YY1: variants seen among roughly 807,000 people sequenced by gnomAD.
YY1 encodes YY1 transcription factor, also known as transcriptional repressor protein YY1.
YY1 carries 2 observed loss-of-function variants against 35.6 expected under a neutral mutation model. The ratio of observed to expected loss-of-function variants is 0.06; its 90% CI spans 0.02 to 0.18. The LOEUF (loss-of-function observed/expected upper bound fraction) is 0.18. Among genes scored for constraint, YY1 ranks in the 10% least tolerant of loss-of-function variants. The probability of loss-of-function intolerance (pLI) is 1.00; values close to 1 mark genes in which losing one functional copy is unlikely to be tolerated. For missense variants in YY1, 322 were observed against 573.4 expected (o/e 0.56, Z 4.48); for synonymous variants, 268 against 238.9 (o/e 1.12, Z -1.12).
intron 1 of YY1, among the ~76,000 whole-genome samples, chr14:100,250,247 G>A (rs529614221): frequency 1.3e-5 from 2 of 152,260 alleles, no homozygotes; most frequent in East Asian, 3.9e-4. Context: ...TTTATTAGTG[G>A]GAAAAACTGG....
chr14:100,264,519 G>A (rs76342152), intron 2 of YY1, among the ~76,000 whole-genome samples: 4 of 152,110 alleles, frequency 2.6e-5, no homozygotes, highest in Non-Finnish European at 5.9e-5. Flanking sequence ...GAATTAGGGC[G>A]CTTCCAGGGA....
chr14:100,265,082 AAAG>A (rs1438346627), intron 2 of YY1, among the ~76,000 whole-genome samples: 1 of 152,080 alleles, frequency 6.6e-6, no homozygotes, highest in Admixed American at 6.6e-5. Flanking sequence ...TGTCTCTAAA[AAAG>A]AAGGAAACTG....
intron 1 of YY1, among the ~76,000 whole-genome samples, chr14:100,260,481 T>C (rs867373486): frequency 7.0e-5 from 9 of 129,414 alleles, no homozygotes; most frequent in African/African-American, 2.4e-4. Context: ...TTTTTTTTTT[T>C]TTCTTTTTTG....
rs1275625825 is a variant in YY1, at chr14:100,281,247, T to C, written c.*3647T>C. 4 of 151,954 alleles carry C rather than the reference T, an allele frequency of 2.6e-5. No individual in the cohort carries two copies. Among genetic ancestry groups the C allele is most frequent in the African/African-American group, 9.7e-5 (4 of 41,332 alleles). 9.4% of individuals were successfully genotyped at this position (151,954 alleles called of 1,614,324 possible). On this transcript the variant is annotated 3_prime_UTR_variant, in exon 5 of 5. Transcript: ENST00000262238. ...TATTTAATTATTCTTTAATAATCCT[T>C]CTATTTTCTTGACATCTGACCCCCA...
chr14:100,251,274 TAGG>T (rs1209052692), intron 1 of YY1, among the ~76,000 whole-genome samples: 1 of 152,024 alleles, frequency 6.6e-6, no homozygotes, highest in African/African-American at 2.4e-5. Flanking sequence ...AAAGAGGAAG[TAGG>T]AGAGGTGTGA....
intron 1 of YY1, among the ~76,000 whole-genome samples, chr14:100,244,609 G>A (rs1341894579): frequency 1.3e-5 from 2 of 150,432 alleles, no homozygotes; most frequent in Non-Finnish European, 3.0e-5. Context: ...TTGAGGCAGG[G>A]TCTCATTCTG....
chr14:100,245,616 G>GT (rs903610558), intron 1 of YY1, among the ~76,000 whole-genome samples: 16 of 151,534 alleles, frequency 1.1e-4, no homozygotes, highest in Middle Eastern at 6.8e-3. Flanking sequence ...GGTTTTTTGG[G>GT]TTTTTTTTGA....
chr14:100,259,168 T>C (rs1216031224), intron 1 of YY1, among the ~76,000 whole-genome samples: 2 of 152,216 alleles, frequency 1.3e-5, no homozygotes, highest in African/African-American at 4.8e-5. Context: ...TCGGAGTACC[T>C]ATTTCTAATT....
chr14:100,255,492 C>G (rs1285632157), intron 1 of YY1, among the ~76,000 whole-genome samples: 1 of 151,898 alleles, frequency 6.6e-6, no homozygotes, highest in Non-Finnish European at 1.5e-5. Context: ...GGTGGTGTGC[C>G]CCTGTGATCC....
Position 100,239,691 on chromosome 14 carries a change from G to T in YY1, c.447G>T (p.Thr149=), listed in dbSNP as rs762373321. The change falls in exon 1 of 5, where the codon ACG becomes ACT. Residue 149 remains threonine, a synonymous_variant. Coordinates refer to ENST00000262238, the MANE Select transcript of YY1 (RefSeq NM_003403.5). ...AGGDDDYIEQ[T]LVTVAAAGKS... ...GCGACGACGACTACATTGAACAAAC[G>T]CTGGTCACCGTGGCGGCGGCCGGCA... 1.9e-6 allele frequency: 3 copies of T among 1,605,956 alleles called. No individual in the cohort carries two copies. The highest frequency in any genetic ancestry group is 2.5e-6 in the Non-Finnish European group (3 of 1,179,056).
intron 1 of YY1, among the ~76,000 whole-genome samples, chr14:100,242,125 C>T (rs530909892): frequency 2.4e-4 from 37 of 152,016 alleles, no homozygotes; most frequent in African/African-American, 8.7e-4. Flanking sequence ...TTTACTTTTT[C>T]TCATAGTGTG....
chr14:100,240,946 A>G (rs1449440942), intron 1 of YY1, among the ~76,000 whole-genome samples: 1 of 152,212 alleles, frequency 6.6e-6, no homozygotes, highest in Non-Finnish European at 1.5e-5. Flanking sequence ...TTTCCCCATG[A>G]AAAGAACGAT....
intron 1 of YY1, among the ~76,000 whole-genome samples, chr14:100,260,145 C>T (rs886776044): frequency 6.6e-5 from 10 of 152,140 alleles, no homozygotes; most frequent in East Asian, 3.9e-4. Context: ...AGTGCAATCT[C>T]GGCTCACTGC....
intron 1 of YY1, among the ~76,000 whole-genome samples, chr14:100,258,012 G>A (rs527807975): frequency 6.6e-6 from 1 of 152,114 alleles, no homozygotes; most frequent in South Asian, 2.1e-4. Flanking sequence ...CCCGTCTGTG[G>A]TCCCAGCTAC....
intron 2 of YY1, 99 bp downstream of exon 2, chr14:100,262,565 C>G: frequency 7.7e-7 from 1 of 1,300,706 alleles, no homozygotes. Context: ...GGTTTGTATT[C>G]TTTCTCTAGG....
At chr14:100,257,053 T>G (rs1254060356) in intron 1 of YY1, among the ~76,000 whole-genome samples, 1 of 152,170 alleles carries the variant, frequency 6.6e-6, no homozygotes, top group Non-Finnish European at 1.5e-5. Flanking sequence ...TATTCTTCAG[T>G]GTTGGTAGTG....
chr14:100,259,451 C>T (rs1039416980), intron 1 of YY1, among the ~76,000 whole-genome samples: 7 of 151,606 alleles, frequency 4.6e-5, no homozygotes, highest in Non-Finnish European at 8.8e-5. Flanking sequence ...ACCTGGGAGG[C>T]GGAGGTTGCA....
In YY1 at chr14:100,270,241, C is replaced by T. The variant is rs183733493; in HGVS notation, c.843-4457C>T. On this transcript the variant is annotated intron_variant, in intron 2 of 4. Coordinates refer to ENST00000262238, the MANE Select transcript of YY1 (RefSeq NM_003403.5). ...TTGCACCACTGCACTCCAGCCTGGG[C>T]GACAGAGCAAGACTCTGTCTCAAAA... Among the ~76,000 whole-genome samples the T allele has an allele frequency of 6.1e-3, 638 of 104,734 alleles. 8 individuals are homozygous for T. The highest frequency in any genetic ancestry group is 0.023 in the African/African-American group (596 of 26,058). 68.7% of individuals were successfully genotyped at this position (104,734 alleles called of 152,430 possible). A position where few individuals can be genotyped will look rare whatever the true frequency, so the allele number is the denominator to read the frequency against.
At chr14:100,273,665 G>T (rs889508739) in intron 2 of YY1, among the ~76,000 whole-genome samples, 1 of 152,028 alleles carries the variant, frequency 6.6e-6, no homozygotes, top group Non-Finnish European at 1.5e-5. Context: ...ACACCCGGCT[G>T]ATTTATTTAT....
Sources: allele counts gnomAD v4.1 joint callset (sites outside exome capture counted in the v4.1 genomes callset), GRCh38; gene constraint gnomAD v4.1.1; transcripts MANE v1.5; gene names NCBI Gene and HGNC (gene_info 2026-07-23, HGNC 2026-07-21).